PRKN: variants seen among roughly 807,000 people sequenced by gnomAD.
PRKN encodes the protein parkin RBR E3 ubiquitin protein ligase.
Under a neutral mutation model 59.5 loss-of-function variants are expected in PRKN, and 56 were observed. The observed-to-expected ratio is 0.94, with a 90% CI of 0.76 to 1.18. PRKN has a LOEUF of 1.18. Ranked by LOEUF, PRKN falls within the 50% of genes most tolerant of loss-of-function variation. PRKN has a pLI of 0.00. For synonymous variants in PRKN, 250 were observed against 222.1 expected, an observed-to-expected ratio of 1.13 and a Z score of -1.12; for missense variants, 657 against 596.4, an observed-to-expected ratio of 1.10 and a Z score of -1.06.
chr6:162,243,127 C>T (rs1276545545), intron 3 of PRKN, among the ~76,000 whole-genome samples: 1 of 152,036 alleles, frequency 6.6e-6, no homozygotes, highest in Non-Finnish European at 1.5e-5. Flanking sequence ...ATGGCAATGA[C>T]CGCAATAAAT....
chr6:161,816,610 A>G (rs775794580), intron 6 of PRKN, among the ~76,000 whole-genome samples: 8 of 152,074 alleles, frequency 5.3e-5, no homozygotes, highest in Non-Finnish European at 8.8e-5. Context: ...TCTTCTCACA[A>G]TGCAGCTGGA....
Position 162,171,435 on chromosome 6 carries a change from T to C in PRKN, c.534+29696A>G, listed in dbSNP as rs77863483. On this transcript the variant is annotated intron_variant, in intron 4 of 11. Transcript: ENST00000366898. ...GCTGCTTTTCTGATGATTTGGCTGATGGAGTGGCCCTAAGCAAGTTTCTTC... is the reference window on the plus strand; with the variant it reads ...GCTGCTTTTCTGATGATTTGGCTGACGGAGTGGCCCTAAGCAAGTTTCTTC... 3.6e-3 allele frequency among the ~76,000 whole-genome samples: 552 copies of C among 152,230 alleles called. 5 individuals are homozygous for C. The highest frequency in any genetic ancestry group is 0.012 in the African/African-American group (510 of 41,518).
At chr6:161,649,334 A>C (rs1308515831) in intron 7 of PRKN, among the ~76,000 whole-genome samples, 4 of 152,202 alleles carry the variant, frequency 2.6e-5, no homozygotes, top group African/African-American at 7.2e-5. Flanking sequence ...AGGGCCATTC[A>C]ACTCATTATT....
intron 1 of PRKN, among the ~76,000 whole-genome samples, chr6:162,476,915 G>A (rs906115500): frequency 1.3e-5 from 2 of 152,130 alleles, no homozygotes; most frequent in African/African-American, 4.8e-5. Flanking sequence ...TGGAGGAGCT[G>A]AGGAGTAAGG....
At chr6:162,482,441 G>A (rs1032772894) in intron 1 of PRKN, among the ~76,000 whole-genome samples, 1 of 152,106 alleles carries the variant, frequency 6.6e-6, no homozygotes. Context: ...CTATTCTGAC[G>A]AGTTATGTAT....
intron 1 of PRKN, among the ~76,000 whole-genome samples, chr6:162,649,101 A>G (rs978488249): frequency 1.3e-5 from 2 of 152,158 alleles, no homozygotes; most frequent in Admixed American, 6.5e-5. Flanking sequence ...TCCTTAACAT[A>G]TATGTATATA....
At chr6:162,546,103 T>TTG (rs1201825928) in intron 1 of PRKN, among the ~76,000 whole-genome samples, 2 of 146,968 alleles carry the variant, frequency 1.4e-5, no homozygotes, top group African/African-American at 5.1e-5. Context: ...GTATGCAGTT[T>TTG]TTTTTTTTTT....
chr6:162,451,487 G>T (rs942364108), intron 1 of PRKN, among the ~76,000 whole-genome samples: 2 of 151,798 alleles, frequency 1.3e-5, no homozygotes, highest in African/African-American at 4.8e-5. Context: ...TTTTTTGGGA[G>T]GCCCACACGG....
At chr6:161,865,188 T>C (rs964666113) in intron 6 of PRKN, among the ~76,000 whole-genome samples, 1 of 152,164 alleles carries the variant, frequency 6.6e-6, no homozygotes, top group Non-Finnish European at 1.5e-5. Flanking sequence ...GGAACCCTTC[T>C]TTCTGAGCAG....
intron 4 of PRKN, among the ~76,000 whole-genome samples, chr6:162,197,929 G>T (rs1241835803): frequency 6.6e-6 from 1 of 152,244 alleles, no homozygotes; most frequent in South Asian, 2.1e-4. Context: ...ATAAACTAGA[G>T]ACCCAAGCTG....
At chr6:161,873,324 C>G (rs1794421494) in intron 6 of PRKN, among the ~76,000 whole-genome samples, 1 of 151,960 alleles carries the variant, frequency 6.6e-6, no homozygotes. Flanking sequence ...CATGCTTACT[C>G]TGAAGTTAGA....
At chr6:161,465,831 C>T (rs866551972) in intron 9 of PRKN, among the ~76,000 whole-genome samples, 2 of 152,102 alleles carry the variant, frequency 1.3e-5, no homozygotes, top group Non-Finnish European at 2.9e-5. Context: ...TCTTTTTCTT[C>T]TTGGATTCCA....
At position 161,423,523 on chromosome 6, in the gene PRKN, A is replaced by G. The variant is rs1245602067; in HGVS notation, c.1084-36646T>C. 6.6e-6 allele frequency among the ~76,000 whole-genome samples: 1 copy of G among 152,220 alleles called. No individual in the cohort carries two copies. The highest frequency in any genetic ancestry group is 1.5e-5 in the Non-Finnish European group (1 of 68,046). On this transcript the variant is annotated intron_variant, in intron 9 of 11. Transcript: ENST00000366898. The surrounding 1 kb of genome is among the most constrained non-coding windows in gnomAD (Gnocchi z 5.9). ...TCAAGCTCTGGAATGTGGATGACAAAGGACATCTTAAAATTCCTTGATTTG... is the reference window on the plus strand; with the variant it reads ...TCAAGCTCTGGAATGTGGATGACAAGGGACATCTTAAAATTCCTTGATTTG...
chr6:161,838,830 A>C (rs1767474349), intron 6 of PRKN, among the ~76,000 whole-genome samples: 1 of 152,178 alleles, frequency 6.6e-6, no homozygotes, highest in Non-Finnish European at 1.5e-5. Flanking sequence ...GCAGCCAGTC[A>C]TCTTGACAAG....
intron 3 of PRKN, among the ~76,000 whole-genome samples, chr6:162,226,459 A>G (rs565005510): frequency 7.1e-4 from 108 of 152,190 alleles, no homozygotes; most frequent in Non-Finnish European, 1.5e-3. Flanking sequence ...TGTGGGTCAA[A>G]TTACTGCAAT....
At chr6:162,039,374 G>A (rs912160000) in intron 5 of PRKN, among the ~76,000 whole-genome samples, 2 of 152,130 alleles carry the variant, frequency 1.3e-5, no homozygotes, top group African/African-American at 4.8e-5. Context: ...TTGGAGGTGG[G>A]GTCTGGTGGG....
rs567150418 is a variant in PRKN, at chr6:162,632,580, G to C, written c.7+95082C>G. Among the ~76,000 whole-genome samples, 105 of 151,988 alleles carry C rather than the reference G, an allele frequency of 6.9e-4. 2 individuals carry two copies. The South Asian group carries it at 0.022, about 32-fold the overall frequency. On this transcript the variant is annotated intron_variant, in intron 1 of 11. Transcript: ENST00000366898. ...ACCTGGGTGATAGGATCCATACCCTGAACTATAGCATAACACAATATTCCC... is the reference window on the plus strand; with the variant it reads ...ACCTGGGTGATAGGATCCATACCCTCAACTATAGCATAACACAATATTCCC...
At position 161,526,514 on chromosome 6, in the gene PRKN, T is replaced by A. The variant is rs1166648523; in HGVS notation, c.1083+22340A>T. Reference sequence around the variant, plus strand: ...TGCTAATTCTTTCTTGTTTACATGCTATAACCATTAGAAGCTCTGCTAACA... The same window carrying A: ...TGCTAATTCTTTCTTGTTTACATGCAATAACCATTAGAAGCTCTGCTAACA... On this transcript the variant is annotated intron_variant, in intron 9 of 11. Transcript: ENST00000366898. This position sits in a 1 kb window ranked among gnomAD's most constrained non-coding sequence, Gnocchi z 4.1. Among the ~76,000 whole-genome samples, 1 of 151,652 alleles carries A rather than the reference T, an allele frequency of 6.6e-6. No individual in the cohort carries two copies. Among genetic ancestry groups the A allele is most frequent in the African/African-American group, 2.4e-5 (1 of 41,366 alleles).
intron 2 of PRKN, among the ~76,000 whole-genome samples, chr6:162,442,368 A>G (rs1397636522): frequency 6.6e-6 from 1 of 152,248 alleles, no homozygotes; most frequent in African/African-American, 2.4e-5. Context: ...AAAGGGGAAC[A>G]TACATCTGCA....
Sources: gnomAD v4.1 joint callset for allele counts (sites outside exome capture counted in the v4.1 genomes callset) on GRCh38, gnomAD v4.1.1 for gene constraint, Gnocchi (gnomAD v3.1) non-coding constraint, MANE v1.5 for transcripts, NCBI Gene and HGNC (gene_info 2026-07-23, HGNC 2026-07-21) for gene names.